LRCH1: variants seen among roughly 807,000 people sequenced by gnomAD.
The protein encoded by LRCH1 is leucine rich repeats and calponin homology domain containing 1.
A neutral mutation model predicts 94.9 loss-of-function variants in LRCH1; 23 were observed. The ratio of observed to expected loss-of-function variants is 0.24; its 90% CI spans 0.17 to 0.34. LRCH1 has a LOEUF of 0.34. Ranked by LOEUF, LRCH1 falls within the 10% of genes least tolerant of loss-of-function variation. The pLI, the probability that LRCH1 is intolerant of heterozygous loss-of-function variation, is 1.00. For synonymous variants in LRCH1, 364 were observed against 354.9 expected (o/e 1.03, Z -0.29); for missense variants, 790 against 945.9 (o/e 0.84, Z 2.16).
intron 1 of LRCH1, among the ~76,000 whole-genome samples, chr13:46,622,128 C>T (rs542484332): frequency 6.6e-6 from 1 of 151,706 alleles, no homozygotes; most frequent in South Asian, 2.1e-4. Context: ...TAGAGAAGCC[C>T]TGTGATAAAA....
chr13:46,677,765 A>G (rs1371309015), intron 3 of LRCH1, among the ~76,000 whole-genome samples: 1 of 152,202 alleles, frequency 6.6e-6, no homozygotes, highest in Non-Finnish European at 1.5e-5. Flanking sequence ...TTTTATCTAA[A>G]TGACAAAGTT....
At chr13:46,594,339 A>G (rs540899608) in intron 1 of LRCH1, among the ~76,000 whole-genome samples, 1 of 152,338 alleles carries the variant, frequency 6.6e-6, no homozygotes, top group South Asian at 2.1e-4. Flanking sequence ...AAAAAATACT[A>G]CTTGCTGATG....
At chr13:46,623,693 G>GTTTTTTTTTTTTTTTTTTTTTTTT (rs5803361) in intron 1 of LRCH1, among the ~76,000 whole-genome samples, 7 of 128,510 alleles carry the variant, frequency 5.4e-5, no homozygotes, top group Non-Finnish European at 9.6e-5. Flanking sequence ...CCCTGTCTCT[G>GTTTTTTTTTTTTTTTTTTTTTTTT]TTTTTTTTTT....
At position 46,689,113 on chromosome 13, in the gene LRCH1, A is replaced by G. The variant is rs1383085283; in HGVS notation, c.951-20A>G. The G allele has an allele frequency of 6.3e-7, 1 of 1,586,612 alleles. No individual in the cohort carries two copies. Among genetic ancestry groups the G allele is most frequent in the Admixed American group, 1.7e-5 (1 of 59,128 alleles). ...TTAATCTTTTTTAAATGAATTCAAT[A>G]TTGATGGCATCTATCTCAGCAAGAA... On this transcript the variant is annotated intron_variant, in intron 6 of 19. Transcript: ENST00000389797.
intron 1 of LRCH1, among the ~76,000 whole-genome samples, chr13:46,573,308 A>G (rs1438195010): frequency 1.3e-5 from 2 of 152,174 alleles, no homozygotes; most frequent in African/African-American, 4.8e-5. Flanking sequence ...AATGAATGGA[A>G]TGCATGAAGG....
chr13:46,670,927 T>C (rs1000937662), intron 3 of LRCH1, among the ~76,000 whole-genome samples: 1 of 152,182 alleles, frequency 6.6e-6, no homozygotes, highest in African/African-American at 2.4e-5. Flanking sequence ...TTAATCCTGC[T>C]GAAGTCTAGG....
chr13:46,639,601 CCT>C (rs1040336584), intron 1 of LRCH1, among the ~76,000 whole-genome samples: 1 of 152,168 alleles, frequency 6.6e-6, no homozygotes, highest in African/African-American at 2.4e-5. Context: ...CTCTGCCCTC[CCT>C]CTCACACCCC....
At chr13:46,594,419 G>A (rs946124312) in intron 1 of LRCH1, among the ~76,000 whole-genome samples, 1 of 152,084 alleles carries the variant, frequency 6.6e-6, no homozygotes, top group Non-Finnish European at 1.5e-5. Context: ...AAGGGCTATT[G>A]ACCCCAAGAA....
chr13:46,636,667 C>T (rs4942563), intron 1 of LRCH1, among the ~76,000 whole-genome samples: 93,107 of 151,992 alleles, frequency 0.61, 28,527 homozygotes, highest in South Asian at 0.66. Context: ...CCTCCACTTG[C>T]TGGATCTGAC....
chr13:46,646,375 A>T (rs1474045966), intron 1 of LRCH1, among the ~76,000 whole-genome samples: 1 of 152,222 alleles, frequency 6.6e-6, no homozygotes, highest in African/African-American at 2.4e-5. Context: ...AAGGCACAGA[A>T]GTATCTACAG....
chr13:46,717,394 A>G (rs1193235925), intron 16 of LRCH1: 2 of 152,228 alleles, frequency 1.3e-5, no homozygotes, highest in African/African-American at 4.8e-5. Flanking sequence ...CTGTACCACA[A>G]TAATAATAAA....
intron 2 of LRCH1, among the ~76,000 whole-genome samples, chr13:46,668,159 G>T (rs577744005): frequency 5.1e-4 from 77 of 152,244 alleles, no homozygotes; most frequent in African/African-American, 1.4e-3. Flanking sequence ...GGCTTTTTGT[G>T]GGGGAGGAGA....
At chr13:46,554,507 A>G (rs2050041308) in intron 1 of LRCH1, among the ~76,000 whole-genome samples, 1 of 152,166 alleles carries the variant, frequency 6.6e-6, no homozygotes, top group Non-Finnish European at 1.5e-5. Flanking sequence ...GGCGTGGCAT[A>G]TTAAAGGCAA....
chr13:46,691,087 G>A (rs1192210566), intron 7 of LRCH1, among the ~76,000 whole-genome samples: 1 of 152,202 alleles, frequency 6.6e-6, no homozygotes, highest in African/African-American at 2.4e-5. Context: ...ATGTCCAAAA[G>A]TAAACAAGGA....
chr13:46,674,150 T>A (rs1020688015), intron 3 of LRCH1, among the ~76,000 whole-genome samples: 3 of 152,008 alleles, frequency 2.0e-5, no homozygotes, highest in African/African-American at 7.3e-5. Flanking sequence ...CTTAAAAAAA[T>A]AAATAAATAA....
At chr13:46,657,412 T>C (rs79269541) in intron 2 of LRCH1, among the ~76,000 whole-genome samples, 1,926 of 148,514 alleles carry the variant, frequency 0.013, 45 homozygotes, top group African/African-American at 0.045. Flanking sequence ...AAAACATACA[T>C]ATATGAAAGG....
chr13:46,752,868 CT>C (rs1469986798), exon 19 of LRCH1: 1 of 150,412 alleles, frequency 6.6e-6, no homozygotes, highest in Non-Finnish European at 1.5e-5. Flanking sequence ...GCTTTTTTTT[CT>C]TTTAAATGCA....
chr13:46,700,538 G>A (rs975269661), intron 10 of LRCH1, among the ~76,000 whole-genome samples: 3 of 152,146 alleles, frequency 2.0e-5, no homozygotes, highest in African/African-American at 7.2e-5. Flanking sequence ...CATACCTAGT[G>A]CTTTCAACCC....
chr13:46,694,683 G>C (rs1871082486), intron 8 of LRCH1, among the ~76,000 whole-genome samples: 1 of 152,156 alleles, frequency 6.6e-6, no homozygotes, highest in African/African-American at 2.4e-5. Context: ...GAGAGGCCTT[G>C]ACTTTTTAAG....
Sources: allele counts gnomAD v4.1 joint callset (sites outside exome capture counted in the v4.1 genomes callset), GRCh38; gene constraint gnomAD v4.1.1; transcripts MANE v1.5; gene names NCBI Gene and HGNC (gene_info 2026-07-23, HGNC 2026-07-21).